HYAL3: variants seen among roughly 807,000 people sequenced by gnomAD.
HYAL3 encodes the protein hyaluronidase-3.
A neutral mutation model predicts 29.6 loss-of-function variants in HYAL3; 25 were observed. The ratio of observed to expected loss-of-function variants is 0.85; its 90% CI spans 0.62 to 1.18. The LOEUF (loss-of-function observed/expected upper bound fraction) is 1.18. Ranked by LOEUF, HYAL3 falls within the 50% of genes most tolerant of loss-of-function variation. The pLI, the probability that HYAL3 is intolerant of heterozygous loss-of-function variation, is 0.00. For missense variants in HYAL3, 442 were observed against 548.4 expected, an observed-to-expected ratio of 0.81 and a Z score of 1.94; for synonymous variants, 215 against 218.3, an observed-to-expected ratio of 0.99 and a Z score of 0.13.
intron 1 of HYAL3, 38 bp downstream of exon 1, chr3:50,299,175 G>A (rs782522745): frequency 1.2e-6 from 2 of 1,613,970 alleles, no homozygotes; most frequent in Non-Finnish European, 1.7e-6. Flanking sequence ...GCGCGGGGTG[G>A]ACCTACAGGC....
chr3:50,296,155 C>G (rs951398509), intron 1 of HYAL3, among the ~76,000 whole-genome samples: 7 of 152,190 alleles, frequency 4.6e-5, no homozygotes, highest in Non-Finnish European at 8.8e-5. Context: ...TGTCTAGTTA[C>G]CCATTGCCTA....
At position 50,299,339 on chromosome 3, in the gene HYAL3, A is replaced by C. The variant is rs1194228753; in HGVS notation, c.-144T>G. 1.3e-6 allele frequency: 2 copies of C among 1,581,188 alleles called. No individual in the cohort carries two copies. Among genetic ancestry groups the C allele is most frequent in the African/African-American group, 2.7e-5 (2 of 74,360 alleles). On this transcript the variant is annotated 5_prime_UTR_variant, in exon 1 of 4. Coordinates refer to ENST00000336307, the MANE Select transcript of HYAL3 (RefSeq NM_003549.4). Reference sequence around the variant, plus strand: ...CCCAGCGGTGCGGCGGATGTTCTGCAGCCGTCGCGTCCTGCGGCACGCCAC... The same window carrying C: ...CCCAGCGGTGCGGCGGATGTTCTGCCGCCGTCGCGTCCTGCGGCACGCCAC...
At position 50,295,215 on chromosome 3, in the gene HYAL3, C is replaced by T; in HGVS notation, c.388G>A (p.Glu130Lys). The change falls in exon 2 of 4, where the codon GAG (glutamate) becomes AAG (lysine). Residue 130 changes from glutamate to lysine, a missense_variant. Glu to Lys is a moderately conservative substitution (Grantham distance 56). Coordinates refer to ENST00000336307, the MANE Select transcript of HYAL3 (RefSeq NM_003549.4). ...TTCCCAGCCCAGAGTGGACACCACT[C>T]CTCCCAATCCAGCACTGCTGGGCCA... ...FAGPAVLDWE[E>K]WCPLWAGNWG... 6.2e-7 allele frequency: 1 copy of T among 1,613,670 alleles called. No individual in the cohort carries two copies.
rs952176823 is a variant in HYAL3, at chr3:50,293,056, T to C, written c.*190A>G. 9.9e-6 allele frequency: 14 copies of C among 1,420,506 alleles called. No individual in the cohort carries two copies. Among genetic ancestry groups the C allele is most frequent in the South Asian group, 8.1e-5 (7 of 86,312 alleles). The allele number at this position is 1,420,506 out of a possible 1,614,324, so 88.0% of individuals were successfully genotyped here. On this transcript the variant is annotated 3_prime_UTR_variant, in exon 4 of 4. Transcript: ENST00000336307. ...TCCTTGCCATGGAGGACTCACATGA[T>C]CTCAGAGGGCCTCTGGTTTTATAAG...
At chr3:50,293,780 TC>T in intron 2 of HYAL3, 59 bp from the exon 3 acceptor site, 2 of 1,394,350 alleles carry the variant, frequency 1.4e-6, no homozygotes, top group Non-Finnish European at 2.0e-6. Flanking sequence ...TGGGCACACA[TC>T]CACATTCAAG....
rs782036844 is a variant in HYAL3 at position 50,295,544 on chromosome 3, C to T, written c.59G>A (p.Gly20Asp). 1 of 1,586,894 alleles carries T rather than the reference C, an allele frequency of 6.3e-7. No homozygotes were observed. The highest frequency in any genetic ancestry group is 8.6e-7 in the Non-Finnish European group (1 of 1,164,000). Residue 20 changes from glycine (G) to aspartate (D), a missense_variant, in exon 2 of 4, where the codon GGC becomes GAC. Physicochemically the swap from Gly to Asp is moderately conservative, Grantham distance 94. Coordinates refer to ENST00000336307, the MANE Select transcript of HYAL3 (RefSeq NM_003549.4). ...TTCAGGGACCTGTGGTAGGGGCTGG[C>T]CACAACCCAGGCACAGGGCCACCCC... The part of the protein sequence containing the change: ...VLGVALCLGC[G>D]QPLPQVPERP...
intron 2 of HYAL3, among the ~76,000 whole-genome samples, chr3:50,294,427 C>G (rs1176730882): frequency 1.3e-5 from 2 of 152,180 alleles, no homozygotes; most frequent in Non-Finnish European, 2.9e-5. Flanking sequence ...GACACTCACC[C>G]AGCCCAAGTA....
chr3:50,299,007 T>C, intron 1 of HYAL3: 1 of 1,477,646 alleles, frequency 6.8e-7, no homozygotes, highest in South Asian at 1.3e-5. Flanking sequence ...GGGCCTCGGT[T>C]TCCCCCTCCC....
At position 50,295,456 on chromosome 3, in the gene HYAL3, G is replaced by A. The variant is rs781952138; in HGVS notation, c.147C>T (p.His49=). 3 of 1,614,146 alleles carry A rather than the reference G, an allele frequency of 1.9e-6. No homozygotes were observed. Among genetic ancestry groups the A allele is most frequent in the Non-Finnish European group, 2.5e-6 (3 of 1,180,024 alleles). Residue 49 remains histidine, a synonymous_variant, in exon 2 of 4, where the codon CAC becomes CAT. Coordinates refer to ENST00000336307, the MANE Select transcript of HYAL3 (RefSeq NM_003549.4). The part of the protein sequence containing the change: ...SAHCEARFGV[H]LPLNALGIIA... ...TGATGCCCAGAGCATTGAGTGGCAG[G>A]TGCACACCAAAGCGGGCCTCACAGT...
At position 50,299,348 on chromosome 3, in the gene HYAL3, G is replaced by T; in HGVS notation, c.-153C>A. The stretch of plus-strand genomic sequence containing the variant: ...GCGGCGGATGTTCTGCAGCCGTCGC[G>T]TCCTGCGGCACGCCACGGCGTTCTA... On this transcript the variant is annotated 5_prime_UTR_variant, in exon 1 of 4. Coordinates refer to ENST00000336307, the MANE Select transcript of HYAL3 (RefSeq NM_003549.4). The T allele has an allele frequency of 6.4e-7, 1 of 1,565,912 alleles. No individual in the cohort carries two copies.
chr3:50,299,124 G>A (rs377215643), intron 1 of HYAL3, 89 bp downstream of exon 1: 850 of 1,612,562 alleles, frequency 5.3e-4, no homozygotes, highest in Middle Eastern at 1.2e-3. Context: ...GACTGACGCG[G>A]GGAGGGCGTG....
At position 50,294,712 on chromosome 3, in the gene HYAL3, G is replaced by T. The variant is rs1553710643; in HGVS notation, c.891C>A (p.Ser297=). ...LTHRRSGRFL[S]QDDLVQSIGV... ...CTAGACCTCAGCTTCCACTTACCTG[G>T]GACAGGAACCTCCCAGATCTCCGGT... Residue 297 remains serine, a synonymous_variant, in exon 2 of 4, where the codon TCC becomes TCA. Coordinates refer to ENST00000336307, the MANE Select transcript of HYAL3 (RefSeq NM_003549.4). The T allele has an allele frequency of 6.7e-7, 1 of 1,502,320 alleles. No individual in the cohort carries two copies. Among genetic ancestry groups the T allele is most frequent in the Middle Eastern group, 1.8e-4 (1 of 5,544 alleles). 93.1% of individuals were successfully genotyped at this position (1,502,320 alleles called of 1,614,324 possible). A position where few individuals can be genotyped will look rare whatever the true frequency, so the allele number is the denominator to read the frequency against.
In HYAL3 at chr3:50,292,843, A is replaced by G. The variant is rs782615386; in HGVS notation, c.*403T>C. 9 of 1,497,344 alleles carry G rather than the reference A, an allele frequency of 6.0e-6. No individual in the cohort carries two copies. In the East Asian group the frequency reaches 2.3e-4, roughly 38 times the overall value. 92.8% of individuals were successfully genotyped at this position (1,497,344 alleles called of 1,614,324 possible). The stretch of plus-strand genomic sequence containing the variant: ...AGCCAAACCTCAGGCAGTGGAAAAA[A>G]GTGACTTTATGATGAAAGAGTGCAG... On this transcript the variant is annotated 3_prime_UTR_variant, in exon 4 of 4. Transcript: ENST00000336307.
In HYAL3 at chr3:50,295,240, A is replaced by T. The variant is rs1284367285; in HGVS notation, c.363T>A (p.Ala121=). The change falls in exon 2 of 4, where the codon GCT becomes GCA. Residue 121 remains alanine, a synonymous_variant. Transcript: ENST00000336307. ...QIHHSLRPGF[A]GPAVLDWEEW... ...CCTCCCAATCCAGCACTGCTGGGCC[A>T]GCAAAGCCAGGTCTCAGGCTGTGGT... is the stretch of plus-strand genomic sequence containing the variant. The T allele has an allele frequency of 1.2e-6, 2 of 1,613,752 alleles. No homozygotes were observed. Among genetic ancestry groups the T allele is most frequent in the Non-Finnish European group, 1.7e-6 (2 of 1,180,028 alleles).
intron 1 of HYAL3, chr3:50,298,164 C>G (rs1553711716): frequency 2.2e-6 from 2 of 912,830 alleles, no homozygotes; most frequent in African/African-American, 3.6e-5. Flanking sequence ...ATAGGAAAAA[C>G]TGCCCGGGAG....
Position 50,297,204 on chromosome 3 carries a change from C to A in HYAL3, c.-17-1585G>T. 6.2e-7 allele frequency: 1 copy of A among 1,612,260 alleles called. No homozygotes were observed. Among genetic ancestry groups the A allele is most frequent in the Non-Finnish European group, 8.5e-7 (1 of 1,179,020 alleles). On this transcript the variant is annotated intron_variant, in intron 1 of 3. Transcript: ENST00000336307. The surrounding 1 kb of genome is among the most constrained non-coding windows in gnomAD (Gnocchi z 4.3). ...GCCCAGGGAGTGCAGGCGGGAGGTG[C>A]GGCTGCGGGGCCACTGATCATTGAT...
At position 50,297,683 on chromosome 3, in the gene HYAL3, C is replaced by A; in HGVS notation, c.-18+1530G>T. ...ACAGTGGCTCTCCTCCTGTAGATAA[C>A]AGCCATGCTGGGCTGTGCCAGGAGG... On this transcript the variant is annotated intron_variant, in intron 1 of 3. Transcript: ENST00000336307. This position sits in a 1 kb window ranked among gnomAD's most constrained non-coding sequence, Gnocchi z 4.3. The A allele has an allele frequency of 7.2e-7, 1 of 1,385,590 alleles. No individual in the cohort carries two copies. The highest frequency in any genetic ancestry group is 9.3e-7 in the Non-Finnish European group (1 of 1,074,494). The allele number at this position is 1,385,590 out of a possible 1,614,324, so 85.8% of individuals were successfully genotyped here.
intron 1 of HYAL3, chr3:50,296,280 G>C: frequency 2.6e-6 from 1 of 381,476 alleles, no homozygotes; most frequent in Non-Finnish European, 4.7e-6. Context: ...GCAAAGGACA[G>C]GCATCCTCCC....
chr3:50,296,594 T>C (rs782511363), intron 1 of HYAL3: 2 of 1,613,478 alleles, frequency 1.2e-6, no homozygotes, highest in South Asian at 2.2e-5. Flanking sequence ...TTCCTTGCCC[T>C]GGATGGCCTC....
Sources: gnomAD v4.1 joint callset for allele counts (sites outside exome capture counted in the v4.1 genomes callset) on GRCh38, gnomAD v4.1.1 for gene constraint, Gnocchi (gnomAD v3.1) non-coding constraint, MANE v1.5 for transcripts, NCBI Gene and HGNC (gene_info 2026-07-23, HGNC 2026-07-21) for gene names.